The following STIM2 variants were observed in gnomAD, a reference collection of about 807,000 sequenced individuals.
STIM2 encodes the protein stromal interaction molecule 2.
A neutral mutation model predicts 85.8 loss-of-function variants in STIM2; 31 were observed. The ratio of observed to expected loss-of-function variants is 0.36; its 90% confidence interval spans 0.27 to 0.49. The LOEUF is 0.49. STIM2 is among the 20% of genes least tolerant of loss of function. STIM2 has a pLI of 0.98. For synonymous variants in STIM2, 356 were observed against 331.1 expected (o/e 1.08, Z -0.82); for missense variants, 841 against 927.6 (o/e 0.91, Z 1.21).
intron 3 of STIM2, among the ~76,000 whole-genome samples, chr4:26,979,127 C>A (rs1034576684): frequency 6.6e-6 from 1 of 152,146 alleles, no homozygotes. Flanking sequence ...CTTCCAAAAT[C>A]TTCCTGGCTA....
Position 27,022,937 on chromosome 4 carries a change from G to C in STIM2, c.2182G>C (p.Gly728Arg), listed in dbSNP as rs1381251605. 3 of 1,613,998 alleles carry C rather than the reference G, an allele frequency of 1.9e-6. No homozygotes were observed. The highest frequency in any genetic ancestry group is 2.5e-6 in the Non-Finnish European group (3 of 1,180,050). Residue 728 changes from glycine to arginine, a missense_variant, in exon 12 of 12, where the codon GGA (glycine) becomes CGA (arginine). By Grantham distance (125) the Gly-to-Arg change is moderately radical (BLOSUM62 -2). This residue lies in a region of STIM2 where 293 missense variants were observed against 284.5 expected (regional missense o/e 1.03). Transcript: ENST00000467087. ...CATCCCACATGACCTTTGTCATAAT[G>C]GAGAGAAAAGCAAAAAGCCATCAAA...
intron 10 of STIM2, among the ~76,000 whole-genome samples, chr4:27,013,329 GTTA>G (rs1052450884): frequency 5.9e-5 from 9 of 151,822 alleles, no homozygotes; most frequent in South Asian, 2.1e-4. Flanking sequence ...TTTATTATCT[GTTA>G]TTAATCTCTT....
At position 26,861,000 on chromosome 4, in the gene STIM2, G is replaced by T. The variant is rs1326672568; in HGVS notation, c.-219G>T. On this transcript the variant is annotated 5_prime_UTR_variant, in exon 1 of 12. Coordinates refer to ENST00000467087, the MANE Select transcript of STIM2 (RefSeq NM_020860.4). ...CAGAGCTCCGGAGGCCGCCGGTGCC[G>T]ATGGGACCAGGCTGGCGCCCGGCGG... The T allele has an allele frequency of 4.6e-6, 6 of 1,293,024 alleles. No individual in the cohort carries two copies. The highest frequency in any genetic ancestry group is 1.4e-5 in the South Asian group (1 of 69,490). The allele number at this position is 1,293,024 out of a possible 1,614,324, so 80.1% of individuals were successfully genotyped here.
At chr4:26,915,424 A>G (rs1048372965) in intron 1 of STIM2, among the ~76,000 whole-genome samples, 1 of 152,036 alleles carries the variant, frequency 6.6e-6, no homozygotes, top group Middle Eastern at 3.4e-3. Flanking sequence ...TCGTAGGGAT[A>G]GGGTTTTGCC....
intron 1 of STIM2, among the ~76,000 whole-genome samples, chr4:26,887,775 A>G (rs1166285046): frequency 6.6e-6 from 1 of 152,226 alleles, no homozygotes; most frequent in Non-Finnish European, 1.5e-5. Flanking sequence ...ATTTAGTTGC[A>G]CTTAAAATAC....
intron 1 of STIM2, among the ~76,000 whole-genome samples, chr4:26,895,043 C>T (rs1034797021): frequency 6.6e-6 from 1 of 152,176 alleles, no homozygotes; most frequent in Non-Finnish European, 1.5e-5. Context: ...GAAACTTCGT[C>T]TCTACTAAAA....
intron 11 of STIM2, among the ~76,000 whole-genome samples, chr4:27,022,150 A>C (rs1188249642): frequency 6.6e-6 from 1 of 152,218 alleles, no homozygotes; most frequent in African/African-American, 2.4e-5. Context: ...CTTTTAAAAT[A>C]GCGTTAACTC....
chr4:26,967,770 A>T (rs1239912343), intron 3 of STIM2, among the ~76,000 whole-genome samples: 1 of 151,910 alleles, frequency 6.6e-6, no homozygotes, highest in African/African-American at 2.4e-5. Context: ...TTCTCTTTGC[A>T]TTGTATGCAT....
chr4:26,991,659 G>T (rs141877214), intron 3 of STIM2, among the ~76,000 whole-genome samples: 2 of 151,908 alleles, frequency 1.3e-5, no homozygotes. Flanking sequence ...CATTGTATAC[G>T]TGTATCAAAA....
Position 26,995,449 on chromosome 4 carries a change from G to A in STIM2, c.468G>A (p.Lys156=). The A allele has an allele frequency of 1.2e-6, 2 of 1,601,714 alleles. No individual in the cohort carries two copies. Among genetic ancestry groups the A allele is most frequent in the African/African-American group, 1.4e-5 (1 of 74,072 alleles). The change falls in exon 4 of 12, where the codon AAG becomes AAA. Residue 156 remains lysine, a synonymous_variant. Coordinates refer to ENST00000467087, the MANE Select transcript of STIM2 (RefSeq NM_020860.4). ...TTGTTGAACTACCCCAATATGAGAA[G>A]AATTTTAGAGACAACAATGTCAAAG...
chr4:26,906,859 C>T (rs1489449889), intron 1 of STIM2, among the ~76,000 whole-genome samples: 1 of 151,082 alleles, frequency 6.6e-6, no homozygotes, highest in Non-Finnish European at 1.5e-5. Flanking sequence ...CCCAGCTACT[C>T]GGGAGACTGA....
In STIM2 at chr4:26,934,642, G is replaced by A. The variant is rs962318629; in HGVS notation, c.282+15008G>A. On this transcript the variant is annotated intron_variant, in intron 2 of 11. Coordinates refer to ENST00000467087, the MANE Select transcript of STIM2 (RefSeq NM_020860.4). ...ATAAGAATAGAACAAGGCTAGGCGC[G>A]GTGGCTCATGCCTGCAGTCCCAGCA... Among the ~76,000 whole-genome samples the A allele has an allele frequency of 4.6e-5, 7 of 152,130 alleles. No individual in the cohort carries two copies. In the East Asian group the frequency reaches 5.8e-4, roughly 13 times the overall value.
At chr4:27,022,439 T>G (rs748535317) in intron 11 of STIM2, 80 bp from the exon 12 acceptor site, 160 of 1,146,822 alleles carry the variant, frequency 1.4e-4, no homozygotes, top group Non-Finnish European at 1.9e-4. Context: ...GCAATGAAAG[T>G]TGTTTTAGTT....
intron 10 of STIM2, among the ~76,000 whole-genome samples, chr4:27,014,467 T>G (rs1728667484): frequency 6.6e-6 from 1 of 151,776 alleles, no homozygotes; most frequent in East Asian, 1.9e-4. Flanking sequence ...TCCAAATATG[T>G]ATGTATGTTT....
At position 26,896,890 on chromosome 4, in the gene STIM2, T is replaced by C. The variant is rs187053611; in HGVS notation, c.152-22614T>C. Among the ~76,000 whole-genome samples the C allele has an allele frequency of 7.1e-4, 108 of 152,338 alleles. 3 individuals carry two copies. The highest frequency in any genetic ancestry group is 1.2e-4 in the Non-Finnish European group (8 of 68,032). ...ATAGTCAAACCCTATTCCTAAATCC[T>C]GTTTTCCACTTTTATACTTTTGCCA... On this transcript the variant is annotated intron_variant, in intron 1 of 11. Transcript: ENST00000467087.
At chr4:26,930,994 TTG>T (rs1323078447) in intron 2 of STIM2, among the ~76,000 whole-genome samples, 1 of 152,024 alleles carries the variant, frequency 6.6e-6, no homozygotes, top group Non-Finnish European at 1.5e-5. Flanking sequence ...TCAGCTGGGG[TTG>T]TGTCATCTCA....
At chr4:26,958,963 G>GA (rs997090854) in intron 3 of STIM2, among the ~76,000 whole-genome samples, 57 of 152,162 alleles carry the variant, frequency 3.7e-4, no homozygotes, top group Middle Eastern at 6.8e-3. Flanking sequence ...TTTGAATGAA[G>GA]AAAAAAATAT....
intron 2 of STIM2, among the ~76,000 whole-genome samples, chr4:26,931,562 T>C (rs897982466): frequency 6.6e-6 from 1 of 152,196 alleles, no homozygotes; most frequent in Non-Finnish European, 1.5e-5. Context: ...TTTTAAAGCC[T>C]GATTAAAAGT....
intron 2 of STIM2, among the ~76,000 whole-genome samples, chr4:26,935,234 G>T (rs1725352812): frequency 6.6e-6 from 1 of 152,082 alleles, no homozygotes; most frequent in Non-Finnish European, 1.5e-5. Context: ...CATCTTATAG[G>T]GTATGTGTAA....
Sources: gnomAD v4.1 joint callset for allele counts (sites outside exome capture counted in the v4.1 genomes callset) on GRCh38, gnomAD v4.1.1 for gene constraint, gnomAD v4.1.1 regional missense constraint, MANE v1.5 for transcripts, NCBI Gene and HGNC (gene_info 2026-07-23, HGNC 2026-07-21) for gene names.